The following PIWIL3 variants were observed in gnomAD, a reference collection of about 807,000 sequenced individuals.
PIWIL3 encodes piwi-like protein 3.
Under a neutral mutation model 109.7 loss-of-function variants are expected in PIWIL3, and 101 were observed. The ratio of observed to expected loss-of-function variants is 0.92; its 90% CI spans 0.78 to 1.09. PIWIL3 has a LOEUF of 1.09. Among genes scored for constraint, PIWIL3 ranks in the 50% least tolerant of loss-of-function variants. PIWIL3 has a pLI of 0.00. For missense variants in PIWIL3, 1,031 were observed against 1,072.6 expected (o/e 0.96, Z 0.54); for synonymous variants, 373 against 376.4 (o/e 0.99, Z 0.10).
At chr22:24,767,538 C>A (rs1307448116) in intron 1 of PIWIL3, among the ~76,000 whole-genome samples, 3 of 144,138 alleles carry the variant, frequency 2.1e-5, no homozygotes, top group African/African-American at 7.8e-5. Context: ...GCAACAAAGG[C>A]GAAACTCTGT....
intron 14 of PIWIL3, among the ~76,000 whole-genome samples, chr22:24,729,500 G>A (rs1185222526): frequency 1.3e-5 from 2 of 152,172 alleles, no homozygotes; most frequent in Non-Finnish European, 1.5e-5. Context: ...AGCAAACTTA[G>A]GAGTTACTGA....
In PIWIL3 at chr22:24,719,729, A is replaced by G. The variant is rs779455110; in HGVS notation, c.2505+19T>C. On this transcript the variant is annotated intron_variant, in intron 20 of 20. Transcript: ENST00000616349. ...TACATTTAAAAAATCTGAAGAAAAA[A>G]GTAACAAAAAGTACTTACTGGCAAA... 1.2e-6 allele frequency: 2 copies of G among 1,600,040 alleles called. No homozygotes were observed. Among genetic ancestry groups the G allele is most frequent in the African/African-American group, 1.3e-5 (1 of 74,740 alleles).
At chr22:24,720,193 T>A (rs1316004956) in intron 19 of PIWIL3, among the ~76,000 whole-genome samples, 1 of 151,660 alleles carries the variant, frequency 6.6e-6, no homozygotes, top group Non-Finnish European at 1.5e-5. Flanking sequence ...CATAGATAAT[T>A]CTATTCGGAG....
rs372184909 is a variant in PIWIL3 at position 24,749,418 on chromosome 22, G to T, written c.1320C>A (p.Ile440=). ...RRRHHTLKEF[I]NTLQDNKKVR... is the part of the protein sequence containing the mutation. ...GCAGCACTTACTCTTGTAGAGTATT[G>T]ATGAATTCTTTTAATGTATGATGCC... The change falls in exon 11 of 21, where the codon ATC becomes ATA. Residue 440 remains isoleucine, a synonymous_variant. Coordinates refer to ENST00000616349, the MANE Select transcript of PIWIL3 (RefSeq NM_001255975.1). The T allele has an allele frequency of 1.2e-6, 2 of 1,613,790 alleles. No homozygotes were observed. Among genetic ancestry groups the T allele is most frequent in the African/African-American group, 2.7e-5 (2 of 75,010 alleles).
chr22:24,759,912 T>C lies in PIWIL3; in HGVS notation c.180A>G (p.Pro60=), dbSNP rs754656033. ...EEVPVVRPLQ[P]RAARGGAGGG... Reference sequence around the variant, plus strand: ...CTCCTGCTCCTCCTCTTGCTGCTCTTGGCTGCAGAGGTCTAACCACTGGGA... The same window carrying C: ...CTCCTGCTCCTCCTCTTGCTGCTCTCGGCTGCAGAGGTCTAACCACTGGGA... Residue 60 remains proline (P), a synonymous_variant, in exon 3 of 21, where the codon CCA becomes CCG. Transcript: ENST00000616349. The C allele has an allele frequency of 7.4e-6, 12 of 1,614,070 alleles. No individual in the cohort carries two copies. The highest frequency in any genetic ancestry group is 9.3e-6 in the Non-Finnish European group (11 of 1,180,038).
At chr22:24,756,748 G>A in intron 4 of PIWIL3, 43 bp from the exon 5 acceptor site, 1 of 1,524,282 alleles carries the variant, frequency 6.6e-7, no homozygotes, top group Non-Finnish European at 9.1e-7. Flanking sequence ...CAGACTGATT[G>A]GGCCCAAAAC....
At chr22:24,725,986 G>A (rs563896423) in intron 16 of PIWIL3, among the ~76,000 whole-genome samples, 9 of 152,096 alleles carry the variant, frequency 5.9e-5, no homozygotes, top group East Asian at 5.8e-4. Flanking sequence ...TCCCCTTACC[G>A]CATTCTTATT....
At chr22:24,749,545 A>T (rs1601840635) in intron 10 of PIWIL3, 24 bp from the exon 11 acceptor site, 1 of 1,612,598 alleles carries the variant, frequency 6.2e-7, no homozygotes, top group East Asian at 2.2e-5. Flanking sequence ...CAAAAGATAC[A>T]GCTGAACAAG....
At chr22:24,739,607 A>G (rs548126075) in intron 12 of PIWIL3, among the ~76,000 whole-genome samples, 22 of 152,244 alleles carry the variant, frequency 1.4e-4, no homozygotes, top group Middle Eastern at 3.4e-3. Context: ...TCCTTCAAAC[A>G]TGAAGGACAA....
intron 12 of PIWIL3, among the ~76,000 whole-genome samples, chr22:24,745,199 C>G (rs1924280398): frequency 6.6e-6 from 1 of 152,108 alleles, no homozygotes; most frequent in Non-Finnish European, 1.5e-5. Context: ...ATACCAAAAC[C>G]TATGGGATAC....
At chr22:24,740,769 T>C (rs772330563) in intron 12 of PIWIL3, among the ~76,000 whole-genome samples, 1 of 151,894 alleles carries the variant, frequency 6.6e-6, no homozygotes, top group Non-Finnish European at 1.5e-5. Context: ...GAAATGGTAA[T>C]ATAAGATGCC....
intron 19 of PIWIL3, among the ~76,000 whole-genome samples, chr22:24,722,723 ATAG>A (rs765897184): frequency 2.0e-5 from 3 of 152,022 alleles, no homozygotes; most frequent in African/African-American, 4.8e-5. Context: ...CATCAAATAG[ATAG>A]ATAGATACCT....
chr22:24,764,552 T>TA (rs1925670642), intron 1 of PIWIL3, among the ~76,000 whole-genome samples: 1 of 149,896 alleles, frequency 6.7e-6, no homozygotes, highest in South Asian at 2.1e-4. Flanking sequence ...AAAAATAAAA[T>TA]AAAAAACCTT....
chr22:24,728,400 C>T (rs761186698), intron 14 of PIWIL3, 26 bp from the exon 15 acceptor site: 2 of 1,613,790 alleles, frequency 1.2e-6, no homozygotes, highest in Non-Finnish European at 1.7e-6. Context: ...ACATGACATT[C>T]CCTAAGATAC....
chr22:24,720,638 T>C (rs1382945299), intron 19 of PIWIL3, among the ~76,000 whole-genome samples: 1 of 152,228 alleles, frequency 6.6e-6, no homozygotes. Flanking sequence ...TTTATTTTTA[T>C]GTGTACAATC....
In PIWIL3 at chr22:24,719,439, G is replaced by T; in HGVS notation, c.*33C>A. The T allele has an allele frequency of 6.9e-7, 1 of 1,459,788 alleles. No homozygotes were observed. Among genetic ancestry groups the T allele is most frequent in the Non-Finnish European group, 9.3e-7 (1 of 1,076,738 alleles). 90.4% of individuals were successfully genotyped at this position (1,459,788 alleles called of 1,614,324 possible). On this transcript the variant is annotated 3_prime_UTR_variant, in exon 21 of 21. Transcript: ENST00000616349. The stretch of plus-strand genomic sequence containing the variant: ...AAGGAAGACAGGCTTACACGTTGTG[G>T]TTTCATTAGCACATCAGGTCTTCTT...
intron 18 of PIWIL3, among the ~76,000 whole-genome samples, chr22:24,724,678 C>G (rs1198786302): frequency 3.3e-5 from 5 of 151,990 alleles, no homozygotes; most frequent in Non-Finnish European, 5.9e-5. Flanking sequence ...CTCAGGTGAT[C>G]CACCCTCCTC....
intron 2 of PIWIL3, among the ~76,000 whole-genome samples, chr22:24,761,370 C>T (rs146284112): frequency 1.2e-4 from 18 of 152,104 alleles, no homozygotes; most frequent in Non-Finnish European, 2.2e-4. Flanking sequence ...AAACGCCAAG[C>T]GGAGGGAGTT....
chr22:24,749,878 C>G, intron 9 of PIWIL3, 59 bp from the exon 10 acceptor site: 3 of 1,612,958 alleles, frequency 1.9e-6, no homozygotes, highest in Non-Finnish European at 8.5e-7. Flanking sequence ...ACATCACACA[C>G]AGAGGTTCAA....
Sources: allele counts gnomAD v4.1 joint callset (sites outside exome capture counted in the v4.1 genomes callset), GRCh38; gene constraint gnomAD v4.1.1; transcripts MANE v1.5; gene names NCBI Gene and HGNC (gene_info 2026-07-23, HGNC 2026-07-21).